Variants in ANO3 observed in about 807,000 individuals in gnomAD.
ANO3 encodes the protein anoctamin 3.
Under a neutral mutation model 144.8 loss-of-function variants are expected in ANO3, and 99 were observed. The ratio of observed to expected loss-of-function variants is 0.68; its 90% CI spans 0.58 to 0.81. The LOEUF (loss-of-function observed/expected upper bound fraction) is 0.81. Ranked by LOEUF, ANO3 falls within the 30% of genes least tolerant of loss-of-function variation. The pLI is 0.00. For synonymous variants in ANO3, 414 were observed against 392.6 expected, an observed-to-expected ratio of 1.05 and a Z score of -0.64; for missense variants, 905 against 1,202.2, an observed-to-expected ratio of 0.75 and a Z score of 3.66.
intron 4 of ANO3, among the ~76,000 whole-genome samples, chr11:26,481,190 T>C (rs1860200487): frequency 6.6e-6 from 1 of 152,084 alleles, no homozygotes; most frequent in Non-Finnish European, 1.5e-5. Context: ...ACATACCACA[T>C]AGTGAGTGGC....
intron 1 of ANO3, among the ~76,000 whole-genome samples, chr11:26,333,638 C>T (rs965378559): frequency 1.3e-5 from 2 of 152,052 alleles, no homozygotes; most frequent in African/African-American, 4.8e-5. Flanking sequence ...GAAACAATTT[C>T]GAAGGGATTC....
chr11:26,356,573 C>T (rs1322837963), intron 1 of ANO3, among the ~76,000 whole-genome samples: 1 of 151,986 alleles, frequency 6.6e-6, no homozygotes, highest in Non-Finnish European at 1.5e-5. Context: ...ATATGAATTG[C>T]TCATTATTTT....
intron 14 of ANO3, among the ~76,000 whole-genome samples, chr11:26,582,387 G>A (rs943660876): frequency 1.3e-5 from 2 of 152,162 alleles, no homozygotes; most frequent in Non-Finnish European, 2.9e-5. Flanking sequence ...TGGCCACTTT[G>A]AATAGACGAA....
chr11:26,450,233 G>T (rs1178115942), intron 3 of ANO3, among the ~76,000 whole-genome samples: 1 of 152,122 alleles, frequency 6.6e-6, no homozygotes, highest in East Asian at 1.9e-4. Context: ...ACTGACTTGG[G>T]TGGATGGGTG....
At chr11:26,412,206 A>G (rs1248225989) in intron 1 of ANO3, among the ~76,000 whole-genome samples, 2 of 151,998 alleles carry the variant, frequency 1.3e-5, no homozygotes, top group Non-Finnish European at 1.5e-5. Context: ...AATTCAGGCA[A>G]TTTCATTAGG....
At chr11:26,373,776 A>AAATT (rs1339483593) in intron 1 of ANO3, among the ~76,000 whole-genome samples, 5 of 152,194 alleles carry the variant, frequency 3.3e-5, no homozygotes, top group African/African-American at 1.2e-4. Flanking sequence ...TTTTAAATAT[A>AAATT]AATTAATATA....
At chr11:26,257,932 A>C (rs957250689) in intron 1 of ANO3, among the ~76,000 whole-genome samples, 1 of 152,172 alleles carries the variant, frequency 6.6e-6, no homozygotes, top group African/African-American at 2.4e-5. Context: ...AGAAAAATTT[A>C]CATAGCTTTG....
intron 1 of ANO3, among the ~76,000 whole-genome samples, chr11:26,233,216 C>CAAAA (rs56234101): frequency 3.4e-5 from 4 of 118,500 alleles, no homozygotes; most frequent in Admixed American, 8.8e-5. Context: ...GACTCCGTCT[C>CAAAA]AAAAAAAAAA....
At chr11:26,204,429 T>C (rs1222563733) in intron 1 of ANO3, among the ~76,000 whole-genome samples, 1 of 152,160 alleles carries the variant, frequency 6.6e-6, no homozygotes, top group African/African-American at 2.4e-5. Flanking sequence ...CCTCCAACTC[T>C]GTCCTTCCAA....
chr11:26,323,248 A>G (rs971950054), intron 1 of ANO3, among the ~76,000 whole-genome samples: 1 of 152,150 alleles, frequency 6.6e-6, no homozygotes, highest in African/African-American at 2.4e-5. Flanking sequence ...AAACTAAAAT[A>G]TGGGGTGCTA....
chr11:26,549,646 G>A (rs987311934), intron 12 of ANO3, among the ~76,000 whole-genome samples: 1 of 151,812 alleles, frequency 6.6e-6, no homozygotes, highest in African/African-American at 2.4e-5. Context: ...GGTTTTAGAT[G>A]ATTGTATATA....
At chr11:26,465,124 TTGTGTGTGTGTGTGTGTG>T (rs36230269) in intron 4 of ANO3, among the ~76,000 whole-genome samples, 5 of 145,302 alleles carry the variant, frequency 3.4e-5, no homozygotes, top group African/African-American at 5.2e-5. Context: ...CATCATTAAA[TTGTGTGTGTGTGTGTGTG>T]TGTGTGTGTG....
At chr11:26,259,735 T>G (rs1210637434) in intron 1 of ANO3, among the ~76,000 whole-genome samples, 1 of 152,150 alleles carries the variant, frequency 6.6e-6, no homozygotes, top group Non-Finnish European at 1.5e-5. Flanking sequence ...CAGAACACTA[T>G]GCACCATTTA....
At chr11:26,553,214 GT>G (rs765970231) in intron 12 of ANO3, 34 bp from the exon 13 acceptor site, 1 of 1,208,366 alleles carries the variant, frequency 8.3e-7, no homozygotes, top group Admixed American at 2.0e-5. Flanking sequence ...TTCATGCTAT[GT>G]TTTGTTTTGT....
chr11:26,579,724 T>C (rs764758003), intron 14 of ANO3, among the ~76,000 whole-genome samples: 9 of 151,868 alleles, frequency 5.9e-5, no homozygotes, highest in Non-Finnish European at 1.2e-4. Context: ...GTCACGTGGA[T>C]CTTTTTTTTC....
chr11:26,451,933 A>T (rs556011013), intron 3 of ANO3, among the ~76,000 whole-genome samples: 1 of 152,200 alleles, frequency 6.6e-6, no homozygotes, highest in East Asian at 1.9e-4. Context: ...GTTCACGAAA[A>T]ACCACTGTTC....
chr11:26,303,916 C>T (rs1854297389), intron 1 of ANO3, among the ~76,000 whole-genome samples: 2 of 152,010 alleles, frequency 1.3e-5, no homozygotes, highest in African/African-American at 2.4e-5. Flanking sequence ...GTAGGGGTTT[C>T]ACCACTTTGG....
intron 1 of ANO3, among the ~76,000 whole-genome samples, chr11:26,343,480 A>G (rs1157907706): frequency 6.6e-6 from 1 of 152,184 alleles, no homozygotes; most frequent in Non-Finnish European, 1.5e-5. Context: ...TGCTTTTATA[A>G]TGGCTGTGCC....
In ANO3 at chr11:26,541,917, A is replaced by T. The variant is rs410036; in HGVS notation, c.1033-30A>T. ...AGTTAAAATTTCACTAAAAAATAGA[A>T]CCAAATGTATCTTACTTTATCTGTT... On this transcript the variant is annotated intron_variant, in intron 10 of 26. Transcript: ENST00000256737. 0.74 allele frequency: 1,172,795 copies of T among 1,584,196 alleles called. 435,868 individuals carry two copies. Among genetic ancestry groups the T allele is most frequent in the East Asian group, 0.85 (37,809 of 44,486 alleles).
Sources: allele counts gnomAD v4.1 joint callset (sites outside exome capture counted in the v4.1 genomes callset), GRCh38; gene constraint gnomAD v4.1.1; transcripts MANE v1.5; gene names NCBI Gene and HGNC (gene_info 2026-07-23, HGNC 2026-07-21).